Variants in MAN2C1 observed in about 807,000 individuals in gnomAD.
MAN2C1 encodes mannosidase alpha class 2C member 1, also known as alpha-mannosidase 2C1.
In MAN2C1, 111 loss-of-function variants were observed where a neutral mutation model predicts 126.9. The ratio of observed to expected loss-of-function variants is 0.87; its 90% CI spans 0.75 to 1.02. The LOEUF (loss-of-function observed/expected upper bound fraction) is 1.02, where lower values mean the gene tolerates loss of function less well. MAN2C1 is among the 50% of genes least tolerant of loss of function. The probability of loss-of-function intolerance (pLI) is 0.00; values close to 1 mark genes in which losing one functional copy is unlikely to be tolerated. For missense variants in MAN2C1, 1,363 were observed against 1,364.4 expected (o/e 1.00, Z 0.02); for synonymous variants, 567 against 561.5 (o/e 1.01, Z -0.14).
rs748054902 is a variant in MAN2C1 at position 75,361,109 on chromosome 15, C to T, written c.1397G>A (p.Gly466Asp). 4.3e-6 allele frequency: 7 copies of T among 1,612,792 alleles called. No homozygotes were observed. Among genetic ancestry groups the T allele is most frequent in the African/African-American group, 4.0e-5 (3 of 74,936 alleles). ...AFLFGFGDGG[G>D]GPTQTMLDRL... ...GTCCAGCATGGTCTGGGTGGGGCCA[C>T]CACCCCCATCCCCAAAGCCAAAGAG... Residue 466 changes from glycine to aspartate, a missense_variant, in exon 12 of 26, where the codon GGT (glycine) becomes GAT (aspartate). By Grantham distance (94) the Gly-to-Asp change is moderately conservative. Coordinates refer to ENST00000267978, the MANE Select transcript of MAN2C1 (RefSeq NM_006715.4). This position sits in a 1 kb window ranked among gnomAD's most constrained non-coding sequence, Gnocchi z 5.0.
At position 75,362,792 on chromosome 15, in the gene MAN2C1, G is replaced by C. The variant is rs1191700509; in HGVS notation, c.791-44C>G. ...GGAGGACAGAGGGAGCAGCAAGGCT[G>C]ACCAGGCCTGGGCTGGGACTCCAGA... On this transcript the variant is annotated intron_variant, in intron 6 of 25. Transcript: ENST00000267978. This position sits in a 1 kb window ranked among gnomAD's most constrained non-coding sequence, Gnocchi z 4.5. The C allele has an allele frequency of 6.4e-7, 1 of 1,551,346 alleles. No homozygotes were observed. The highest frequency in any genetic ancestry group is 1.4e-5 in the African/African-American group (1 of 73,760).
chr15:75,359,405 T>G lies in MAN2C1; in HGVS notation c.1969A>C (p.Met657Leu). 6.2e-7 allele frequency: 1 copy of G among 1,610,984 alleles called. No individual in the cohort carries two copies. The highest frequency in any genetic ancestry group is 2.1e-4 in the Middle Eastern group (1 of 4,746). ...HSLALVTVPS[M>L]GYAPVPPPTS... ...GGGGGAGGAACAGGAGCATAGCCCA[T>G]GCTGGGCACTGTCACCAGGGCTGGG... The change falls in exon 17 of 26, where the codon ATG becomes CTG. Residue 657 changes from methionine to leucine, a missense_variant. Physicochemically the swap from Met to Leu is conservative, Grantham distance 15. Around this residue, in one of 3 missense-constraint regions of MAN2C1, gnomAD observed 668 missense variants for 650.1 expected, o/e 1.03. Coordinates refer to ENST00000267978, the MANE Select transcript of MAN2C1 (RefSeq NM_006715.4).
Position 75,356,430 on chromosome 15 carries a change from G to C in MAN2C1, c.2757C>G (p.Gly919=). ...TTAGGCTGTAGGCAGCTTGGATAAC[G>C]CCAGCATCCTGGAAAGAGCCTGGGG... is the stretch of plus-strand genomic sequence containing the variant. ...MPHKGSFQDA[G]VIQAAYSLNF... Residue 919 remains glycine, a synonymous_variant, in exon 24 of 26, where the codon GGC becomes GGG. Transcript: ENST00000267978. This position sits in a 1 kb window ranked among gnomAD's most constrained non-coding sequence, Gnocchi z 5.8. 6.2e-7 allele frequency: 1 copy of C among 1,604,504 alleles called. No individual in the cohort carries two copies. The highest frequency in any genetic ancestry group is 8.5e-7 in the Non-Finnish European group (1 of 1,176,306).
At position 75,361,789 on chromosome 15, in the gene MAN2C1, C is replaced by T. The variant is rs972447384; in HGVS notation, c.1101+66G>A. ...GGCGGACTCACCCCAGCCTCAGCCCCTCAGCACTCCAAGTCGAGCGCCAGC... is the reference window on the plus strand; with the variant it reads ...GGCGGACTCACCCCAGCCTCAGCCCTTCAGCACTCCAAGTCGAGCGCCAGC... On this transcript the variant is annotated intron_variant, in intron 9 of 25. Coordinates refer to ENST00000267978, the MANE Select transcript of MAN2C1 (RefSeq NM_006715.4). The surrounding 1 kb of genome is among the most constrained non-coding windows in gnomAD (Gnocchi z 5.0). 3.3e-5 allele frequency: 52 copies of T among 1,593,708 alleles called. No individual in the cohort carries two copies. In the South Asian group the frequency reaches 4.5e-4, roughly 14 times the overall value.
Position 75,355,800 on chromosome 15 carries a change from C to T in MAN2C1, c.*106G>A. On this transcript the variant is annotated 3_prime_UTR_variant, in exon 26 of 26. Transcript: ENST00000267978. Reference sequence around the variant, plus strand: ...GGGACTGAGCAGCAGGGTTCCCGATCCAAGGATTTATTCCACAAGAAAAGA... The same window carrying T: ...GGGACTGAGCAGCAGGGTTCCCGATTCAAGGATTTATTCCACAAGAAAAGA... 7.8e-7 allele frequency: 1 copy of T among 1,289,580 alleles called. No individual in the cohort carries two copies. The allele number at this position is 1,289,580 out of a possible 1,614,324, so 79.9% of individuals were successfully genotyped here.
intron 5 of MAN2C1, 130 bp from the exon 6 acceptor site, chr15:75,364,318 A>G: frequency 1.6e-6 from 2 of 1,261,300 alleles, no homozygotes; most frequent in Non-Finnish European, 2.1e-6. Context: ...CCCCCTGCTC[A>G]GCACCGTCTC....
Position 75,368,147 on chromosome 15 carries a change from C to T in MAN2C1, c.153G>A (p.Pro51=). 1.9e-6 allele frequency: 3 copies of T among 1,604,574 alleles called. No homozygotes were observed. The highest frequency in any genetic ancestry group is 2.2e-5 in the South Asian group (2 of 89,652). Reference sequence around the variant, plus strand: ...CTGCCTCCTGGTAGGGAAGTCTCTCCGGCGTCAGGAAGCTGGAGAGCACAG... The same window carrying T: ...CTGCCTCCTGGTAGGGAAGTCTCTCTGGCGTCAGGAAGCTGGAGAGCACAG... The part of the protein sequence containing the change: ...PVAVLSSFLT[P]ERLPYQEAVQ... The change falls in exon 2 of 26, where the codon CCG becomes CCA. Residue 51 remains proline (P), a synonymous_variant. Coordinates refer to ENST00000267978, the MANE Select transcript of MAN2C1 (RefSeq NM_006715.4).
Position 75,367,681 on chromosome 15 carries a change from T to C in MAN2C1, c.228-47A>G, listed in dbSNP as rs1211788684. On this transcript the variant is annotated intron_variant, in intron 2 of 25. Coordinates refer to ENST00000267978, the MANE Select transcript of MAN2C1 (RefSeq NM_006715.4). The stretch of plus-strand genomic sequence containing the variant: ...AGGCCTAGAGGTAGAAGTCCTATCC[T>C]GATATCCTTCCTTGGATAAAGTGTC... 4.4e-6 allele frequency: 7 copies of C among 1,606,268 alleles called. No individual in the cohort carries two copies. In the Admixed American group the frequency reaches 1.0e-4, roughly 23 times the overall value.
At chr15:75,368,261 T>A (rs1015490974) in intron 1 of MAN2C1, 63 bp from the exon 2 acceptor site, 19 of 1,535,644 alleles carry the variant, frequency 1.2e-5, no homozygotes, top group Non-Finnish European at 1.6e-5. Flanking sequence ...GGGGGCCAGC[T>A]GGCCGGTGGG....
In MAN2C1 at chr15:75,367,537, C is replaced by T; in HGVS notation, c.325G>A (p.Val109Met). ...LCWESDGEGLVWRDGEPVQGL... is the reference protein window; with the variant it reads ...LCWESDGEGLMWRDGEPVQGL... ...TGGACAGGTTCTCCATCACGCCACACCAGACCTTCTCCATCACTTTCCCAG... is the reference window on the plus strand; with the variant it reads ...TGGACAGGTTCTCCATCACGCCACATCAGACCTTCTCCATCACTTTCCCAG... The change falls in exon 3 of 26, where the codon GTG becomes ATG. Residue 109 changes from valine to methionine, a missense_variant. Around this residue, in one of 3 missense-constraint regions of MAN2C1, gnomAD observed 628 missense variants for 609.8 expected, o/e 1.03. Coordinates refer to ENST00000267978, the MANE Select transcript of MAN2C1 (RefSeq NM_006715.4). The T allele has an allele frequency of 6.2e-7, 1 of 1,614,154 alleles. No homozygotes were observed. The highest frequency in any genetic ancestry group is 8.5e-7 in the Non-Finnish European group (1 of 1,180,000).
Position 75,366,538 on chromosome 15 carries a change from C to T in MAN2C1, c.406G>A (p.Glu136Lys), listed in dbSNP as rs1275963130. 2 of 1,613,380 alleles carry T rather than the reference C, an allele frequency of 1.2e-6. No homozygotes were observed. Among genetic ancestry groups the T allele is most frequent in the East Asian group, 4.5e-5 (2 of 44,856 alleles). Reference protein sequence around the residue: ...TSYVLTDRLGERDPRSLTLYV... With the variant: ...TSYVLTDRLGKRDPRSLTLYV... ...GGGACTCACCTTCGGGGGTCTCTTT[C>T]CCCCAGCCTGTCAGTCAGGACATAG... Residue 136 changes from glutamate to lysine, a missense_variant, in exon 4 of 26, where the codon GAA becomes AAA. Transcript: ENST00000267978.
At position 75,362,816 on chromosome 15, in the gene MAN2C1, G is replaced by A; in HGVS notation, c.791-68C>T. Reference sequence around the variant, plus strand: ...TGACCAGGCCTGGGCTGGGACTCCAGAGGGTCACCTAGCCCCCCTCCCATC... The same window carrying A: ...TGACCAGGCCTGGGCTGGGACTCCAAAGGGTCACCTAGCCCCCCTCCCATC... On this transcript the variant is annotated intron_variant, in intron 6 of 25. Coordinates refer to ENST00000267978, the MANE Select transcript of MAN2C1 (RefSeq NM_006715.4). This position sits in a 1 kb window ranked among gnomAD's most constrained non-coding sequence, Gnocchi z 4.5. 1 of 1,336,324 alleles carries A rather than the reference G, an allele frequency of 7.5e-7. No homozygotes were observed. The highest frequency in any genetic ancestry group is 1.2e-5 in the South Asian group (1 of 83,808). 82.8% of individuals were successfully genotyped at this position (1,336,324 alleles called of 1,614,324 possible).
At position 75,356,058 on chromosome 15, in the gene MAN2C1, G is replaced by A. The variant is rs759793641; in HGVS notation, c.2997-26C>T. The A allele has an allele frequency of 8.1e-6, 13 of 1,613,662 alleles. No individual in the cohort carries two copies. Among genetic ancestry groups the A allele is most frequent in the Admixed American group, 3.3e-5 (2 of 59,980 alleles). ...CTGGAGAACAGGAGGGGCCATGAAG[G>A]CTCTGCGAGGGCGAGACTCGACCCC... On this transcript the variant is annotated intron_variant, in intron 25 of 25. Coordinates refer to ENST00000267978, the MANE Select transcript of MAN2C1 (RefSeq NM_006715.4). This position sits in a 1 kb window ranked among gnomAD's most constrained non-coding sequence, Gnocchi z 5.8.
At position 75,361,056 on chromosome 15, in the gene MAN2C1, C is replaced by T. The variant is rs1410669823; in HGVS notation, c.1450G>A (p.Gly484Arg). Reference sequence around the variant, plus strand: ...AAGGCCTGGCCTGACCTGGGCAGCCCATCCGTATTGCTCAGGCGCTTCAGG... The same window carrying T: ...AAGGCCTGGCCTGACCTGGGCAGCCTATCCGTATTGCTCAGGCGCTTCAGG... ...DRLKRLSNTD[G>R]LPRVQLSSPR... Residue 484 changes from glycine to arginine, a missense_variant, in exon 12 of 26, where the codon GGG becomes AGG. Coordinates refer to ENST00000267978, the MANE Select transcript of MAN2C1 (RefSeq NM_006715.4). The surrounding 1 kb of genome is among the most constrained non-coding windows in gnomAD (Gnocchi z 5.0). 1 of 1,610,014 alleles carries T rather than the reference C, an allele frequency of 6.2e-7. No individual in the cohort carries two copies. The highest frequency in any genetic ancestry group is 8.5e-7 in the Non-Finnish European group (1 of 1,178,578).
chr15:75,367,934 G>A, intron 2 of MAN2C1, 139 bp downstream of exon 2: 1 of 1,169,074 alleles, frequency 8.6e-7, no homozygotes. Context: ...CCAGCAGAGG[G>A]TGCTGCTCCC....
At position 75,364,008 on chromosome 15, in the gene MAN2C1, T is replaced by C. The variant is rs1450304505; in HGVS notation, c.781A>G (p.Ile261Val). The C allele has an allele frequency of 1.2e-6, 2 of 1,614,124 alleles. No homozygotes were observed. Among genetic ancestry groups the C allele is most frequent in the South Asian group, 1.1e-5 (1 of 91,080 alleles). Residue 261 changes from isoleucine to valine, a missense_variant, in exon 6 of 26, where the codon ATT becomes GTT. Coordinates refer to ENST00000267978, the MANE Select transcript of MAN2C1 (RefSeq NM_006715.4). ...HTIHATGHCH[I>V]DTAWLWPFKE... The stretch of plus-strand genomic sequence containing the variant: ...CCAGCTGCTGTCCTACCTGTATCAA[T>C]GTGGCAGTGCCCTGTGGCATGAATG...
At chr15:75,363,661 C>T (rs892193398) in intron 6 of MAN2C1, 1 of 340,580 alleles carries the variant, frequency 2.9e-6, no homozygotes, top group Non-Finnish European at 5.6e-6. Context: ...CAAAAATTAA[C>T]CAGGCATTGT....
chr15:75,363,736 G>A (rs1217413677), intron 6 of MAN2C1: 1 of 424,692 alleles, frequency 2.4e-6, no homozygotes, highest in South Asian at 2.7e-5. Flanking sequence ...AACCCGGGAG[G>A]CAGAGGTTGC....
rs756980423 is a variant in MAN2C1, at chr15:75,361,134, G to GGAA, written c.1369_1371dup (p.Phe457dup). ...CCACCCCCATCCCCAAAGCCAAAGAGGAAGGCACTGTGGTTGGCCCGCCCC... is the reference window on the plus strand; with the variant it reads ...CCACCCCCATCCCCAAAGCCAAAGAGGAAGAAGGCACTGTGGTTGGCCCGCCCC... On this transcript the variant is annotated inframe_insertion, in exon 12 of 26. Coordinates refer to ENST00000267978, the MANE Select transcript of MAN2C1 (RefSeq NM_006715.4). This position sits in a 1 kb window ranked among gnomAD's most constrained non-coding sequence, Gnocchi z 5.0. 19 of 1,613,372 alleles carry GGAA rather than the reference G, an allele frequency of 1.2e-5. No individual in the cohort carries two copies. Among genetic ancestry groups the GGAA allele is most frequent in the Non-Finnish European group, 1.6e-5 (19 of 1,179,842 alleles).
Sources: allele counts gnomAD v4.1 joint callset, GRCh38; gene constraint gnomAD v4.1.1; regional missense constraint gnomAD v4.1.1; non-coding constraint Gnocchi (gnomAD v3.1); transcripts MANE v1.5; gene names NCBI Gene and HGNC (gene_info 2026-07-23, HGNC 2026-07-21).